The following IPO5 variants were observed in gnomAD, a reference collection of about 807,000 sequenced individuals.
IPO5 encodes importin 5.
A neutral mutation model predicts 143.3 loss-of-function variants in IPO5; 18 were observed. The ratio of observed to expected loss-of-function variants is 0.13; its 90% CI spans 0.09 to 0.19. The LOEUF (loss-of-function observed/expected upper bound fraction) is 0.19, where lower values mean the gene tolerates loss of function less well. IPO5 is among the 10% of genes least tolerant of loss of function. The probability of loss-of-function intolerance (pLI) is 1.00; values close to 1 mark genes in which losing one functional copy is unlikely to be tolerated. For synonymous variants in IPO5, 477 were observed against 465.7 expected, an observed-to-expected ratio of 1.02 and a Z score of -0.31; for missense variants, 1,013 against 1,336.9, an observed-to-expected ratio of 0.76 and a Z score of 3.78.
rs1485340398 is a variant in IPO5, at chr13:97,974,329, C to A, written c.-4-2364C>A. Among the ~76,000 whole-genome samples the A allele has an allele frequency of 2.1e-5, 3 of 145,886 alleles. No homozygotes were observed. The Admixed American group carries it at 2.1e-4, about 10-fold the overall frequency. On this transcript the variant is annotated intron_variant, in intron 3 of 28. Coordinates refer to ENST00000651721, the MANE Select transcript of IPO5 (RefSeq NM_002271.6). Reference sequence around the variant, plus strand: ...AAATTCTTTTTTTTTTTTTTTGAGACGGAGTCTTGCTCTATCACCCAGGCT... The same window carrying A: ...AAATTCTTTTTTTTTTTTTTTGAGAAGGAGTCTTGCTCTATCACCCAGGCT...
Position 98,021,722 on chromosome 13 carries a change from G to A in IPO5, c.3208-14G>A, listed in dbSNP as rs1204784829. 1.3e-6 allele frequency: 2 copies of A among 1,487,224 alleles called. No individual in the cohort carries two copies. The highest frequency in any genetic ancestry group is 1.8e-6 in the Non-Finnish European group (2 of 1,094,274). The allele number at this position is 1,487,224 out of a possible 1,614,324, so 92.1% of individuals were successfully genotyped here. ...CATTTCGTCCTAAGTCTGTGAAAAT[G>A]TTTCTTTCCCTAGACTTCTGGAGGA... On this transcript the variant is annotated splice_polypyrimidine_tract_variant and intron_variant, in intron 28 of 28. Transcript: ENST00000651721.
rs1887038385 is a variant in IPO5, at chr13:97,983,542, C to T, written c.171+959C>T. ...GGCATTTTGTAGCTAATTCCACCCC[C>T]CCCCCCCACCGTCCCCCCGATTATA... On this transcript the variant is annotated intron_variant, in intron 5 of 28. Coordinates refer to ENST00000651721, the MANE Select transcript of IPO5 (RefSeq NM_002271.6). Among the ~76,000 whole-genome samples, 5 of 130,436 alleles carry T rather than the reference C, an allele frequency of 3.8e-5. No individual in the cohort carries two copies. The South Asian group carries it at 1.6e-3, about 41-fold the overall frequency. 85.6% of individuals were successfully genotyped at this position (130,436 alleles called of 152,430 possible).
At chr13:97,967,542 C>T (rs1010120998) in intron 2 of IPO5, among the ~76,000 whole-genome samples, 3 of 152,084 alleles carry the variant, frequency 2.0e-5, no homozygotes, top group African/African-American at 7.2e-5. Context: ...AAGGACAGCT[C>T]TAAGTGTCCC....
chr13:97,969,919 G>A (rs779619686), intron 3 of IPO5, 89 bp downstream of exon 3: 11 of 975,680 alleles, frequency 1.1e-5, no homozygotes, highest in Non-Finnish European at 1.7e-5. Context: ...GGCTGGTCTC[G>A]AACTCCTGGT....
intron 13 of IPO5, chr13:98,001,047 CTGT>C (rs1178094712): frequency 1.0e-5 from 2 of 200,422 alleles, no homozygotes; most frequent in Non-Finnish European, 2.1e-5. Context: ...TGGAGGGCAG[CTGT>C]TGTTGTTGAC....
intron 11 of IPO5, among the ~76,000 whole-genome samples, chr13:97,996,812 T>G (rs923905112): frequency 7.2e-5 from 11 of 152,064 alleles, no homozygotes; most frequent in Admixed American, 7.2e-4. Context: ...CAGGATGGTC[T>G]CGATCTTCTG....
In IPO5 at chr13:98,015,524, CATT is replaced by C; in HGVS notation, c.2326-4_2326-2del. On this transcript the variant is annotated splice_polypyrimidine_tract_variant and splice_region_variant and intron_variant, in intron 22 of 28. Transcript: ENST00000651721. ...ATGGATTGCTTTCTTTCCTCAACCT[CATT>C]AGTGCATTGAAGTAATGGGAGATGG... 1 of 1,544,674 alleles carries C rather than the reference CATT, an allele frequency of 6.5e-7. No individual in the cohort carries two copies. Among genetic ancestry groups the C allele is most frequent in the South Asian group, 1.1e-5 (1 of 88,284 alleles).
Position 98,007,139 on chromosome 13 carries a change from C to T in IPO5, c.1716+791C>T, listed in dbSNP as rs143016654. On this transcript the variant is annotated intron_variant, in intron 17 of 28. Transcript: ENST00000651721. ...CTGCTCACAGGTGTGAGCCACCGCG[C>T]CCAGCCCGTCTTTTCATTGTTAATA... 2.8e-4 allele frequency among the ~76,000 whole-genome samples: 42 copies of T among 152,202 alleles called. No homozygotes were observed. In the East Asian group the frequency reaches 7.9e-3, roughly 29 times the overall value.
chr13:97,957,051 C>T (rs1293034760), intron 2 of IPO5, among the ~76,000 whole-genome samples: 1 of 152,184 alleles, frequency 6.6e-6, no homozygotes, highest in Non-Finnish European at 1.5e-5. Flanking sequence ...CACTCCCTCC[C>T]ACATTCTTTA....
At chr13:97,984,977 T>C (rs576501815) in intron 5 of IPO5, among the ~76,000 whole-genome samples, 3 of 152,336 alleles carry the variant, frequency 2.0e-5, no homozygotes, top group African/African-American at 7.2e-5. Context: ...AAGCATTTTA[T>C]CTAAGATGCT....
intron 3 of IPO5, 145 bp downstream of exon 3, chr13:97,969,975 A>T: frequency 1.6e-6 from 1 of 635,348 alleles, no homozygotes; most frequent in Non-Finnish European, 2.8e-6. Context: ...CTGGGATTAC[A>T]GGCGTGAGCC....
intron 3 of IPO5, among the ~76,000 whole-genome samples, chr13:97,971,513 T>C (rs2139562889): frequency 6.6e-6 from 1 of 152,380 alleles, no homozygotes; most frequent in South Asian, 2.1e-4. Flanking sequence ...ATCAGCCAAG[T>C]GTCTATTGAA....
intron 6 of IPO5, among the ~76,000 whole-genome samples, chr13:97,987,823 A>G (rs1263749370): frequency 6.6e-6 from 1 of 152,232 alleles, no homozygotes; most frequent in East Asian, 1.9e-4. Context: ...ATATTTTTAA[A>G]TTGTTTAGAA....
intron 2 of IPO5, among the ~76,000 whole-genome samples, chr13:97,957,060 TA>T (rs1057046663): frequency 6.6e-6 from 1 of 152,184 alleles, no homozygotes; most frequent in Non-Finnish European, 1.5e-5. Context: ...CCACATTCTT[TA>T]AAAGGGTAGG....
In IPO5 at chr13:98,022,719, A is replaced by C. The variant is rs116933592; in HGVS notation, c.*897A>C. On this transcript the variant is annotated 3_prime_UTR_variant, in exon 29 of 29. Coordinates refer to ENST00000651721, the MANE Select transcript of IPO5 (RefSeq NM_002271.6). ...ATTGGTGTTCTTTTTAAGGTTTGCAAATTTCAGCCAATTTTGTAGCTAAGA... is the reference window on the plus strand; with the variant it reads ...ATTGGTGTTCTTTTTAAGGTTTGCACATTTCAGCCAATTTTGTAGCTAAGA... The C allele has an allele frequency of 1.1e-4, 16 of 152,298 alleles. No homozygotes were observed. Among genetic ancestry groups the C allele is most frequent in the African/African-American group, 3.6e-4 (15 of 41,552 alleles). The allele number at this position is 152,298 out of a possible 1,614,324, so 9.4% of individuals were successfully genotyped here. A position where few individuals can be genotyped will look rare whatever the true frequency, so the allele number is the denominator to read the frequency against.
intron 17 of IPO5, among the ~76,000 whole-genome samples, chr13:98,007,781 A>G (rs1453788175): frequency 6.6e-6 from 1 of 152,242 alleles, no homozygotes; most frequent in African/African-American, 2.4e-5. Context: ...ATTTGAATTC[A>G]GTTTTACTGC....
chr13:98,015,359 C>T (rs1252111134), intron 22 of IPO5, among the ~76,000 whole-genome samples, 171 bp from the exon 23 acceptor site: 2 of 151,978 alleles, frequency 1.3e-5, no homozygotes, highest in African/African-American at 4.8e-5. Flanking sequence ...TTTTTTCTAA[C>T]TCCAATCTCT....
At chr13:97,991,250 G>T (rs1028661664) in intron 9 of IPO5, among the ~76,000 whole-genome samples, 2 of 151,998 alleles carry the variant, frequency 1.3e-5, no homozygotes, top group Non-Finnish European at 2.9e-5. Context: ...ATACAAAAAA[G>T]AAATGCAAAG....
At chr13:97,992,504 A>G (rs961303965) in intron 9 of IPO5, among the ~76,000 whole-genome samples, 2 of 152,194 alleles carry the variant, frequency 1.3e-5, no homozygotes, top group African/African-American at 4.8e-5. Flanking sequence ...GGGTACTGTG[A>G]GCTATGATTG....
Sources: gnomAD v4.1 joint callset for allele counts (sites outside exome capture counted in the v4.1 genomes callset) on GRCh38, gnomAD v4.1.1 for gene constraint, MANE v1.5 for transcripts, NCBI Gene and HGNC (gene_info 2026-07-23, HGNC 2026-07-21) for gene names.